Variants in CCSER1 observed in about 807,000 individuals in gnomAD.
CCSER1 encodes the protein coiled-coil serine rich protein 1.
In CCSER1, 41 loss-of-function variants were observed where a neutral mutation model predicts 82.0. The observed-to-expected ratio is 0.50, with a 90% CI of 0.39 to 0.65. CCSER1 has a LOEUF of 0.65. Ranked by LOEUF, CCSER1 falls within the 30% of genes least tolerant of loss-of-function variation. The pLI is 0.00. For missense variants in CCSER1, 1,119 were observed against 1,064.2 expected (o/e 1.05, Z -0.72); for synonymous variants, 414 against 383.9 (o/e 1.08, Z -0.92).
intron 5 of CCSER1, among the ~76,000 whole-genome samples, chr4:90,510,105 T>A (rs1248657498): frequency 6.6e-6 from 1 of 152,144 alleles, no homozygotes; most frequent in East Asian, 1.9e-4. Flanking sequence ...AGATATGATA[T>A]TGAAAGAATT....
At chr4:90,462,121 G>T (rs62312947) in intron 4 of CCSER1, among the ~76,000 whole-genome samples, 5,563 of 150,282 alleles carry the variant, frequency 0.037, 119 homozygotes, top group Middle Eastern at 0.055. Flanking sequence ...GCACTAAAAA[G>T]AAATATTTAC....
In CCSER1 at chr4:91,430,801, T is replaced by C. The variant is rs570834358; in HGVS notation, c.2218-167771T>C. On this transcript the variant is annotated intron_variant, in intron 10 of 10. Transcript: ENST00000509176. ...TGATTCTTTTCTACACTTTTATGAG[T>C]GTGCTTTTGTACATCTACATACCAC... is the stretch of plus-strand genomic sequence containing the variant. 5.9e-5 allele frequency among the ~76,000 whole-genome samples: 9 copies of C among 152,348 alleles called. No homozygotes were observed. The East Asian group carries it at 1.3e-3, about 23-fold the overall frequency.
intron 9 of CCSER1, among the ~76,000 whole-genome samples, chr4:90,987,743 A>G (rs1581266854): frequency 6.6e-6 from 1 of 151,820 alleles, no homozygotes; most frequent in South Asian, 2.1e-4. Flanking sequence ...CTTGCTTTGG[A>G]CTTGTGCCAT....
intron 7 of CCSER1, chr4:90,781,612 G>A: frequency 1.0e-6 from 1 of 974,922 alleles, no homozygotes; most frequent in Non-Finnish European, 1.2e-6. Context: ...ACAATAAGGT[G>A]TTTTTAATAC....
Position 90,529,202 on chromosome 4 carries a change from A to G in CCSER1, c.1724+60848A>G, listed in dbSNP as rs536327554. Among the ~76,000 whole-genome samples the G allele has an allele frequency of 2.6e-4, 40 of 151,954 alleles. 1 individual carries two copies. In the South Asian group the frequency reaches 8.1e-3, roughly 31 times the overall value. On this transcript the variant is annotated intron_variant, in intron 5 of 10. Transcript: ENST00000509176. Reference sequence around the variant, plus strand: ...AGGGCAATTTGACTTTGTAATCACTATTTTTTATTTATTTTATTTTTTATT... The same window carrying G: ...AGGGCAATTTGACTTTGTAATCACTGTTTTTTATTTATTTTATTTTTTATT...
chr4:91,169,365 A>T (rs1704260834), intron 10 of CCSER1, among the ~76,000 whole-genome samples: 1 of 152,168 alleles, frequency 6.6e-6, no homozygotes, highest in South Asian at 2.1e-4. Context: ...TCACGCCTAT[A>T]ATCCCAGCAC....
chr4:90,276,943 A>G lies in CCSER1; in HGVS notation c.-41-31301A>G, dbSNP rs75174268. Among the ~76,000 whole-genome samples, 196 of 152,230 alleles carry G rather than the reference A, an allele frequency of 1.3e-3. No homozygotes were observed. In the Middle Eastern group the frequency reaches 0.02, roughly 16 times the overall value. ...ATAGGAATGCTAGTGTTTTTTATAC[A>G]TTGGTTTTGCATCCTGAAACATTAC... is the stretch of plus-strand genomic sequence containing the variant. On this transcript the variant is annotated intron_variant, in intron 1 of 10. Coordinates refer to ENST00000509176, the MANE Select transcript of CCSER1 (RefSeq NM_001145065.2).
intron 10 of CCSER1, among the ~76,000 whole-genome samples, chr4:91,246,722 AT>A (rs1185676777): frequency 6.6e-6 from 1 of 152,134 alleles, no homozygotes; most frequent in African/African-American, 2.4e-5. Context: ...CGGTTATTAC[AT>A]ATTGCATGTC....
chr4:91,229,072 T>C (rs1738420443), intron 10 of CCSER1, among the ~76,000 whole-genome samples: 1 of 152,136 alleles, frequency 6.6e-6, no homozygotes, highest in East Asian at 1.9e-4. Flanking sequence ...TGAATCATCA[T>C]TTGTGTGGCC....
intron 10 of CCSER1, among the ~76,000 whole-genome samples, chr4:91,369,113 T>C (rs930242380): frequency 6.6e-6 from 1 of 152,228 alleles, no homozygotes; most frequent in African/African-American, 2.4e-5. Context: ...TGGCTTTGGC[T>C]CTGTAACCCA....
At chr4:90,270,346 A>G (rs1424222206) in intron 1 of CCSER1, among the ~76,000 whole-genome samples, 2 of 152,162 alleles carry the variant, frequency 1.3e-5, no homozygotes, top group East Asian at 3.8e-4. Context: ...CCAGGGATGC[A>G]AGGATGATTC....
chr4:90,163,262 T>G (rs1051765473), intron 1 of CCSER1, among the ~76,000 whole-genome samples: 6 of 151,940 alleles, frequency 3.9e-5, no homozygotes, highest in African/African-American at 1.4e-4. Flanking sequence ...ATGTAATAAG[T>G]GGGGATAATA....
At chr4:91,040,141 C>T (rs1370913423) in intron 9 of CCSER1, among the ~76,000 whole-genome samples, 3 of 152,040 alleles carry the variant, frequency 2.0e-5, no homozygotes, top group Non-Finnish European at 4.4e-5. Context: ...TCATGAGTCT[C>T]CAGATACCTT....
intron 7 of CCSER1, among the ~76,000 whole-genome samples, chr4:90,768,888 G>T (rs1419700603): frequency 6.6e-6 from 1 of 152,148 alleles, no homozygotes; most frequent in African/African-American, 2.4e-5. Context: ...AACCAAAGAG[G>T]AGCCAGTACT....
At chr4:91,234,432 TTAAC>T (rs1341687677) in intron 10 of CCSER1, among the ~76,000 whole-genome samples, 1 of 152,028 alleles carries the variant, frequency 6.6e-6, no homozygotes, top group African/African-American at 2.4e-5. Context: ...CAATTAGAGG[TTAAC>T]TAACAAAACC....
At chr4:90,982,056 T>C (rs1227519775) in intron 9 of CCSER1, among the ~76,000 whole-genome samples, 1 of 151,924 alleles carries the variant, frequency 6.6e-6, no homozygotes, top group African/African-American at 2.4e-5. Context: ...GCAAAGACTT[T>C]TTAAATAAAA....
chr4:90,975,968 C>T (rs1185656608), intron 9 of CCSER1, among the ~76,000 whole-genome samples: 1 of 151,264 alleles, frequency 6.6e-6, no homozygotes, highest in African/African-American at 2.4e-5. Context: ...GGTAACATGT[C>T]TAAATCTAAT....
intron 9 of CCSER1, among the ~76,000 whole-genome samples, chr4:90,948,414 T>C (rs534884321): frequency 3.3e-5 from 5 of 151,860 alleles, no homozygotes; most frequent in African/African-American, 1.2e-4. Flanking sequence ...TTAATCAGAG[T>C]TTTAGAGATA....
At chr4:91,139,742 C>T (rs1425652392) in intron 10 of CCSER1, among the ~76,000 whole-genome samples, 1 of 152,048 alleles carries the variant, frequency 6.6e-6, no homozygotes, top group African/African-American at 2.4e-5. Flanking sequence ...TTATGTTAAA[C>T]ACTTATCTAG....
Sources: allele counts gnomAD v4.1 joint callset (sites outside exome capture counted in the v4.1 genomes callset), GRCh38; gene constraint gnomAD v4.1.1; transcripts MANE v1.5; gene names NCBI Gene and HGNC (gene_info 2026-07-23, HGNC 2026-07-21).